Variants in ME3 observed in about 807,000 individuals in gnomAD.
ME3 encodes the protein malic enzyme 3.
In ME3, 48 loss-of-function variants were observed where a neutral mutation model predicts 68.9. The ratio of observed to expected loss-of-function variants is 0.70; its 90% CI spans 0.55 to 0.89. ME3 has a LOEUF of 0.89. Ranked by LOEUF, ME3 falls within the 40% of genes least tolerant of loss-of-function variation. The pLI, the probability that ME3 is intolerant of heterozygous loss-of-function variation, is 0.00. For synonymous variants in ME3, 320 were observed against 318.8 expected (o/e 1.00, Z -0.04); for missense variants, 675 against 797.4 (o/e 0.85, Z 1.85).
At chr11:86,483,342 A>G (rs996410173) in intron 7 of ME3, among the ~76,000 whole-genome samples, 1 of 152,174 alleles carries the variant, frequency 6.6e-6, no homozygotes, top group Non-Finnish European at 1.5e-5. Flanking sequence ...AGGGGCTCAC[A>G]TCAAGTGTGG....
At chr11:86,649,859 A>G (rs1945283227) in intron 2 of ME3, among the ~76,000 whole-genome samples, 1 of 152,224 alleles carries the variant, frequency 6.6e-6, no homozygotes, top group Admixed American at 6.5e-5. Context: ...AGGAACAATC[A>G]ATATTGTGAA....
chr11:86,462,712 C>T (rs988911200), intron 8 of ME3: 2 of 646,926 alleles, frequency 3.1e-6, no homozygotes, highest in Non-Finnish European at 5.0e-6. Flanking sequence ...ATGGTTCTTG[C>T]CTCCAGAAGC....
intron 8 of ME3, among the ~76,000 whole-genome samples, chr11:86,455,227 C>G (rs986463216): frequency 6.6e-6 from 1 of 152,186 alleles, no homozygotes; most frequent in African/African-American, 2.4e-5. Flanking sequence ...TAGGCACTGT[C>G]GAAGACAGAT....
At position 86,507,624 on chromosome 11, in the gene ME3, A is replaced by G. The variant is rs532810941; in HGVS notation, c.543+1168T>C. On this transcript the variant is annotated intron_variant, in intron 5 of 14. Transcript: ENST00000543262. ...ACTCCTCCATAGACATCTCTATAGC[A>G]GGAGGAGATCTGGGGATTTAGCCAG... 3.3e-5 allele frequency among the ~76,000 whole-genome samples: 5 copies of G among 152,352 alleles called. No homozygotes were observed. The East Asian group carries it at 9.6e-4, about 29-fold the overall frequency.
chr11:86,638,981 G>C (rs1944509578), intron 2 of ME3, among the ~76,000 whole-genome samples: 1 of 152,134 alleles, frequency 6.6e-6, no homozygotes. Flanking sequence ...TCTATCTCTA[G>C]AGAATGTTAG....
chr11:86,513,692 G>C (rs1193705547), intron 4 of ME3, among the ~76,000 whole-genome samples: 2 of 152,150 alleles, frequency 1.3e-5, no homozygotes, highest in Non-Finnish European at 2.9e-5. Flanking sequence ...AATGTGCGGG[G>C]CTAGGGATTA....
At chr11:86,580,102 C>T (rs1271283366) in intron 2 of ME3, among the ~76,000 whole-genome samples, 5 of 152,134 alleles carry the variant, frequency 3.3e-5, no homozygotes, top group Admixed American at 2.0e-4. Context: ...ATGATTAGCT[C>T]GAGAATCTAT....
intron 4 of ME3, among the ~76,000 whole-genome samples, chr11:86,522,568 C>T (rs567739303): frequency 1.3e-5 from 2 of 151,626 alleles, no homozygotes; most frequent in East Asian, 2.0e-4. Flanking sequence ...GTATGTTATT[C>T]CCCTCCCTGT....
chr11:86,464,680 G>A (rs1950391066), intron 8 of ME3, among the ~76,000 whole-genome samples: 1 of 152,186 alleles, frequency 6.6e-6, no homozygotes, highest in African/African-American at 2.4e-5. Flanking sequence ...TTATGGGTTA[G>A]TACTTTCTAT....
chr11:86,468,330 A>G (rs2138763498), intron 7 of ME3, among the ~76,000 whole-genome samples: 1 of 151,988 alleles, frequency 6.6e-6, no homozygotes, highest in East Asian at 1.9e-4. Flanking sequence ...TCATCATCCA[A>G]CCATCCATCA....
intron 4 of ME3, among the ~76,000 whole-genome samples, chr11:86,529,637 C>T (rs924450330): frequency 1.8e-4 from 28 of 152,276 alleles, no homozygotes; most frequent in African/African-American, 6.5e-4. Flanking sequence ...AATCCAGCAA[C>T]ACATCAAAAA....
At chr11:86,604,026 C>G (rs1181675661) in intron 2 of ME3, among the ~76,000 whole-genome samples, 1 of 150,050 alleles carries the variant, frequency 6.7e-6, no homozygotes, top group Non-Finnish European at 1.5e-5. Context: ...AGCACACCAA[C>G]GTGGCACATG....
chr11:86,465,241 G>T, intron 7 of ME3, 41 bp from the exon 8 acceptor site: 2 of 1,467,796 alleles, frequency 1.4e-6, no homozygotes, highest in South Asian at 2.3e-5. Flanking sequence ...TTGCCTCTCT[G>T]AGGCAGATCC....
intron 4 of ME3, among the ~76,000 whole-genome samples, chr11:86,535,737 T>A (rs908952818): frequency 3.3e-5 from 5 of 152,228 alleles, no homozygotes; most frequent in African/African-American, 1.2e-4. Flanking sequence ...ATTCATGTTT[T>A]AAAAATTTAA....
At chr11:86,502,305 C>T (rs896942030) in intron 5 of ME3, among the ~76,000 whole-genome samples, 4 of 152,194 alleles carry the variant, frequency 2.6e-5, no homozygotes, top group African/African-American at 9.7e-5. Context: ...TAGCATTTTC[C>T]TCACCTACTA....
intron 2 of ME3, among the ~76,000 whole-genome samples, chr11:86,611,960 A>T (rs1032027211): frequency 6.6e-6 from 1 of 152,212 alleles, no homozygotes; most frequent in Non-Finnish European, 1.5e-5. Flanking sequence ...TTCTTCTAAA[A>T]AGAATGAGAT....
chr11:86,489,491 A>G (rs549126695), intron 6 of ME3, among the ~76,000 whole-genome samples: 8 of 152,224 alleles, frequency 5.3e-5, no homozygotes, highest in African/African-American at 9.6e-5. Context: ...ACTTAACCCA[A>G]TGAGGTTGTG....
At chr11:86,477,457 T>C (rs1000236040) in intron 7 of ME3, among the ~76,000 whole-genome samples, 3 of 141,218 alleles carry the variant, frequency 2.1e-5, no homozygotes. Flanking sequence ...AGCAATTAAA[T>C]AATTAAGAGT....
Position 86,573,428 on chromosome 11 carries a change from CT to C in ME3, c.184-13606del, listed in dbSNP as rs33973657. On this transcript the variant is annotated intron_variant, in intron 2 of 14. Transcript: ENST00000543262. ...ATAGTTTTGGGTTTTACATTTTAGT[CT>C]TTTTTTTTTTTTGGTATATATGAAT... Among the ~76,000 whole-genome samples the C allele has an allele frequency of 4.7e-3, 671 of 142,874 alleles. 7 individuals carry two copies. The highest frequency in any genetic ancestry group is 0.014 in the African/African-American group (526 of 38,862). 93.7% of individuals were successfully genotyped at this position (142,874 alleles called of 152,430 possible).
Sources: gnomAD v4.1 joint callset for allele counts (sites outside exome capture counted in the v4.1 genomes callset) on GRCh38, gnomAD v4.1.1 for gene constraint, MANE v1.5 for transcripts, NCBI Gene and HGNC (gene_info 2026-07-23, HGNC 2026-07-21) for gene names.